HK1: variants seen among roughly 807,000 people sequenced by gnomAD.
HK1 encodes the protein hexokinase 1.
In HK1, 28 loss-of-function variants were observed where a neutral mutation model predicts 91.6. The observed-to-expected ratio is 0.31, with a 90% CI of 0.23 to 0.42. HK1 has a LOEUF of 0.42. HK1 is among the 10% of genes least tolerant of loss of function. The pLI, the probability that HK1 is intolerant of heterozygous loss-of-function variation, is 1.00. For synonymous variants in HK1, 430 were observed against 468.1 expected, an observed-to-expected ratio of 0.92 and a Z score of 1.05; for missense variants, 770 against 1,219.8, an observed-to-expected ratio of 0.63 and a Z score of 5.49.
chr10:69,297,292 G>A (rs1262735481), intron 4 of HK1, among the ~76,000 whole-genome samples: 1 of 152,140 alleles, frequency 6.6e-6, no homozygotes, highest in African/African-American at 2.4e-5. Flanking sequence ...TCACCATGAA[G>A]GTCTTCATCC....
intron 2 of HK1, among the ~76,000 whole-genome samples, chr10:69,353,916 T>A (rs1274624718): frequency 6.6e-6 from 1 of 152,226 alleles, no homozygotes; most frequent in Non-Finnish European, 1.5e-5. Context: ...CCCCGATTTA[T>A]AGTGATCAGC....
At chr10:69,333,580 A>T (rs1020393665) in intron 1 of HK1, among the ~76,000 whole-genome samples, 1 of 151,940 alleles carries the variant, frequency 6.6e-6, no homozygotes, top group Non-Finnish European at 1.5e-5. Context: ...TCCAGGCCCT[A>T]CTCAGGTTCT....
chr10:69,358,745 C>T (rs1849262896), intron 2 of HK1, among the ~76,000 whole-genome samples: 1 of 152,086 alleles, frequency 6.6e-6, no homozygotes, highest in South Asian at 2.1e-4. Flanking sequence ...TGCCTGTAAT[C>T]CCAGCTACTC....
At chr10:69,318,276 C>G, upstream of HK1, 8 of 967,168 alleles carry the variant, frequency 8.3e-6, no homozygotes, top group Non-Finnish European at 8.6e-6. Flanking sequence ...AGGCGCGGGA[C>G]CCGGGTGCGA....
At chr10:69,312,486 G>T (rs1032977701), upstream of HK1, among the ~76,000 whole-genome samples, 1 of 151,888 alleles carries the variant, frequency 6.6e-6, no homozygotes, top group Non-Finnish European at 1.5e-5. Flanking sequence ...TGATCCACCC[G>T]CCTCGGCCTC....
At chr10:69,301,301 T>C (rs1337068328) in intron 5 of HK1, among the ~76,000 whole-genome samples, 4 of 144,856 alleles carry the variant, frequency 2.8e-5, no homozygotes, top group African/African-American at 1.0e-4. Flanking sequence ...ATGAACAATA[T>C]AAAAATGAAA....
intron 3 of HK1, chr10:69,288,872 T>C (rs1845151621): frequency 1.0e-6 from 1 of 976,576 alleles, no homozygotes; most frequent in Non-Finnish European, 1.6e-6. Flanking sequence ...CTATAACCTC[T>C]GCCTCCCGGG....
rs371454998 is a variant in HK1 at position 69,387,696 on chromosome 10, GC to G, written c.1935+1283del. Among the ~76,000 whole-genome samples the G allele has an allele frequency of 8.9e-3, 1,353 of 152,090 alleles. 19 individuals are homozygous for G. The highest frequency in any genetic ancestry group is 0.031 in the African/African-American group (1,277 of 41,476). ...ACCACACCAAGCCACTTTCCAAGATGCCCCCGGGGTGTGTTCTCCAGTGTTG... is the reference window on the plus strand; with the variant it reads ...ACCACACCAAGCCACTTTCCAAGATGCCCCGGGGTGTGTTCTCCAGTGTTG... On this transcript the variant is annotated intron_variant, in intron 13 of 17. Transcript: ENST00000359426.
At chr10:69,302,742 T>C (rs1845940132) in intron 5 of HK1, among the ~76,000 whole-genome samples, 2 of 110,492 alleles carry the variant, frequency 1.8e-5, no homozygotes, top group Middle Eastern at 4.5e-3. Context: ...GGCAAAACTA[T>C]GGGACCCTGT....
At chr10:69,367,028 AG>A (rs1849739150) in intron 4 of HK1, among the ~76,000 whole-genome samples, 2 of 152,200 alleles carry the variant, frequency 1.3e-5, no homozygotes, top group Admixed American at 1.3e-4. Context: ...CCGTAACAGC[AG>A]ATGTAGCCTG....
intron 8 of HK1, 143 bp downstream of exon 8, chr10:69,377,232 G>GT: frequency 1.0e-6 from 1 of 958,662 alleles, no homozygotes; most frequent in Non-Finnish European, 1.6e-6. Flanking sequence ...CTCACTCTTA[G>GT]TTGACCCATT....
At chr10:69,382,372 C>T in intron 9 of HK1, 115 bp from the exon 10 acceptor site, 2 of 1,149,190 alleles carry the variant, frequency 1.7e-6, no homozygotes, top group South Asian at 2.5e-5. Flanking sequence ...AAGACCCTGT[C>T]TCAAAAAAAA....
intron 5 of HK1, among the ~76,000 whole-genome samples, chr10:69,308,206 G>A (rs1327739468): frequency 6.6e-6 from 1 of 152,146 alleles, no homozygotes; most frequent in Non-Finnish European, 1.5e-5. Context: ...TTTTGTGGAA[G>A]ACAATTTTTC....
chr10:69,318,815 G>C (rs977418681), upstream of HK1: 24 of 1,407,978 alleles, frequency 1.7e-5, no homozygotes, highest in Non-Finnish European at 2.1e-5. Flanking sequence ...GCCGCGCCCC[G>C]GGCCGAGGGG....
exon 4 of HK1, chr10:69,295,672 G>A: frequency 6.3e-7 from 1 of 1,599,702 alleles, no homozygotes; most frequent in Non-Finnish European, 8.6e-7. Flanking sequence ...TCTACTTGCT[G>A]AAAGTGAGGT....
chr10:69,307,466 T>A (rs1846158871), intron 5 of HK1, among the ~76,000 whole-genome samples: 1 of 152,158 alleles, frequency 6.6e-6, no homozygotes, highest in African/African-American at 2.4e-5. Context: ...TTGGACCCCT[T>A]CACTGGACCT....
chr10:69,280,934 T>G (rs566925536), intron 1 of HK1, among the ~76,000 whole-genome samples: 51 of 152,332 alleles, frequency 3.3e-4, no homozygotes, highest in Non-Finnish European at 5.0e-4. Flanking sequence ...AATCTCTGAA[T>G]TGCTAAAATC....
At chr10:69,381,765 A>G (rs1016696798) in intron 9 of HK1, among the ~76,000 whole-genome samples, 2 of 151,998 alleles carry the variant, frequency 1.3e-5, no homozygotes, top group Non-Finnish European at 2.9e-5. Flanking sequence ...TGTTGGCCAG[A>G]CTGGTCTTGA....
chr10:69,386,697 G>A (rs189333095), intron 13 of HK1: 308 of 356,596 alleles, frequency 8.6e-4, no homozygotes, highest in African/African-American at 6.3e-3. Flanking sequence ...CAGAAGAATC[G>A]CTTCAACCCA....
Sources: allele counts gnomAD v4.1 joint callset (sites outside exome capture counted in the v4.1 genomes callset), GRCh38; gene constraint gnomAD v4.1.1; transcripts MANE v1.5; gene names NCBI Gene and HGNC (gene_info 2026-07-23, HGNC 2026-07-21).